The following SLCO5A1 variants were observed in gnomAD, a reference collection of about 807,000 sequenced individuals.
SLCO5A1 encodes organic anion transporter polypeptide-related protein 4.
Under a neutral mutation model 65.1 loss-of-function variants are expected in SLCO5A1, and 39 were observed. The observed-to-expected ratio is 0.60, with a 90% CI of 0.46 to 0.78. The LOEUF (loss-of-function observed/expected upper bound fraction) is 0.78, where lower values mean the gene tolerates loss of function less well. SLCO5A1 is among the 30% of genes least tolerant of loss of function. The pLI is 0.00. For missense variants in SLCO5A1, 1,029 were observed against 1,069.4 expected, an observed-to-expected ratio of 0.96 and a Z score of 0.53; for synonymous variants, 438 against 415.7, an observed-to-expected ratio of 1.05 and a Z score of -0.65.
chr8:69,792,586 G>A (rs1442476096), intron 2 of SLCO5A1, among the ~76,000 whole-genome samples: 2 of 152,152 alleles, frequency 1.3e-5, no homozygotes, highest in Admixed American at 1.3e-4. Context: ...AAAGGAACCC[G>A]ATGGATAAGA....
At chr8:69,772,367 T>C (rs1282808941) in intron 2 of SLCO5A1, among the ~76,000 whole-genome samples, 2 of 151,140 alleles carry the variant, frequency 1.3e-5, no homozygotes, top group African/African-American at 4.9e-5. Context: ...CAAAAAAAAA[T>C]TAAAAATTAG....
At chr8:69,823,703 A>G (rs1468542884) in intron 2 of SLCO5A1, among the ~76,000 whole-genome samples, 1 of 152,196 alleles carries the variant, frequency 6.6e-6, no homozygotes, top group Non-Finnish European at 1.5e-5. Flanking sequence ...CACTGTCAAC[A>G]TTAGACAGAT....
chr8:69,768,662 T>A (rs929631639), intron 2 of SLCO5A1, among the ~76,000 whole-genome samples: 2 of 152,082 alleles, frequency 1.3e-5, no homozygotes, highest in Non-Finnish European at 2.9e-5. Flanking sequence ...GAAGAGAGCG[T>A]TCCGGTGTCT....
At position 69,824,026 on chromosome 8, in the gene SLCO5A1, A is replaced by G. The variant is rs185818161; in HGVS notation, c.907+7741T>C. Among the ~76,000 whole-genome samples, 349 of 152,358 alleles carry G rather than the reference A, an allele frequency of 2.3e-3. 4 individuals are homozygous for G. The highest frequency in any genetic ancestry group is 7.7e-3 in the African/African-American group (319 of 41,584). On this transcript the variant is annotated intron_variant, in intron 2 of 9. Transcript: ENST00000260126. ...CAAAACAACCTGCTCCTGAATGACT[A>G]CTGGGTACATAACTAAATGAAGGCA...
At chr8:69,712,843 AT>A (rs1344486317) in intron 5 of SLCO5A1, among the ~76,000 whole-genome samples, 2 of 145,484 alleles carry the variant, frequency 1.4e-5, no homozygotes, top group African/African-American at 5.2e-5. Context: ...CTTTGAATTT[AT>A]TATATAAAAT....
intron 5 of SLCO5A1, among the ~76,000 whole-genome samples, chr8:69,730,525 G>A (rs763669282): frequency 6.6e-6 from 1 of 152,152 alleles, no homozygotes; most frequent in East Asian, 1.9e-4. Flanking sequence ...TATGTACTGC[G>A]AAAGCCCTGG....
At chr8:69,711,519 G>C (rs970963408) in intron 5 of SLCO5A1, among the ~76,000 whole-genome samples, 2 of 152,246 alleles carry the variant, frequency 1.3e-5, no homozygotes, top group East Asian at 3.9e-4. Context: ...AAGGGGGGCA[G>C]AGCGTGGGAA....
rs1280993037 is a variant in SLCO5A1, at chr8:69,738,193, C to T, written c.1270G>A (p.Ala424Thr). Reference protein sequence around the residue: ...FGKDVRDLPRAAVRILSNMTF... With the variant: ...FGKDVRDLPRTAVRILSNMTF... ...ATGTTGCTTAAGATCCTGACAGCTG[C>T]TCTTGGTAGGTCTACAAAATGACAA... Residue 424 changes from alanine (A) to threonine (T), a missense_variant, in exon 5 of 10, where the codon GCA becomes ACA. By Grantham distance (58) the Ala-to-Thr change is moderately conservative. This residue lies in a region of SLCO5A1 where 647 missense variants were observed against 647.5 expected (regional missense o/e 1.00). Transcript: ENST00000260126. The T allele has an allele frequency of 5.0e-6, 8 of 1,602,706 alleles. No homozygotes were observed. Among genetic ancestry groups the T allele is most frequent in the Non-Finnish European group, 6.0e-6 (7 of 1,173,852 alleles).
chr8:69,698,467 C>T (rs1814590686), intron 6 of SLCO5A1, among the ~76,000 whole-genome samples: 1 of 152,164 alleles, frequency 6.6e-6, no homozygotes, highest in African/African-American at 2.4e-5. Context: ...ATTTACACTC[C>T]CACCAGCAGT....
chr8:69,710,539 T>A (rs1815192327), intron 5 of SLCO5A1, among the ~76,000 whole-genome samples: 1 of 152,072 alleles, frequency 6.6e-6, no homozygotes, highest in Non-Finnish European at 1.5e-5. Context: ...AGTACCCTCC[T>A]CACCAAGAAA....
intron 2 of SLCO5A1, among the ~76,000 whole-genome samples, chr8:69,812,838 A>G (rs2130912818): frequency 6.6e-6 from 1 of 152,340 alleles, no homozygotes; most frequent in African/African-American, 2.4e-5. Flanking sequence ...CCATTTTGTT[A>G]GATTTATGTA....
intron 5 of SLCO5A1, among the ~76,000 whole-genome samples, chr8:69,725,184 G>T (rs1352868956): frequency 6.6e-6 from 1 of 152,140 alleles, no homozygotes; most frequent in East Asian, 1.9e-4. Flanking sequence ...TACACAGCTT[G>T]TAAGGGGCAG....
intron 2 of SLCO5A1, among the ~76,000 whole-genome samples, chr8:69,778,975 C>A (rs1305962448): frequency 1.3e-5 from 2 of 152,154 alleles, no homozygotes; most frequent in Admixed American, 6.5e-5. Flanking sequence ...ACCAGCAGAT[C>A]TGGTAAATAC....
intron 6 of SLCO5A1, among the ~76,000 whole-genome samples, chr8:69,685,596 G>A (rs902446443): frequency 6.6e-5 from 10 of 152,176 alleles, no homozygotes; most frequent in African/African-American, 2.2e-4. Context: ...TTATAACTGG[G>A]TGGTCCACAA....
At chr8:69,744,832 C>A (rs1194637892) in intron 4 of SLCO5A1, among the ~76,000 whole-genome samples, 3 of 152,142 alleles carry the variant, frequency 2.0e-5, no homozygotes. Flanking sequence ...AAGCATAAGT[C>A]ATAAGATGAA....
chr8:69,761,711 C>T, intron 3 of SLCO5A1, 32 bp downstream of exon 3: 1 of 1,604,094 alleles, frequency 6.2e-7, no homozygotes, highest in Non-Finnish European at 8.5e-7. Context: ...TTAGTAAGAA[C>T]TGAAATTTAA....
At chr8:69,706,782 A>C (rs895328971) in intron 5 of SLCO5A1, among the ~76,000 whole-genome samples, 1 of 152,216 alleles carries the variant, frequency 6.6e-6, no homozygotes, top group East Asian at 1.9e-4. Flanking sequence ...ACAGTTACAC[A>C]GTGTTAACTT....
chr8:69,829,503 T>C (rs955500328), intron 2 of SLCO5A1, among the ~76,000 whole-genome samples: 1 of 152,166 alleles, frequency 6.6e-6, no homozygotes, highest in Non-Finnish European at 1.5e-5. Context: ...CTGGGAAACA[T>C]GATGAAACTC....
intron 5 of SLCO5A1, among the ~76,000 whole-genome samples, chr8:69,721,174 AT>A: frequency 9.8e-6 from 1 of 102,246 alleles, no homozygotes; most frequent in South Asian, 4.2e-4. Flanking sequence ...TGCAGACATA[AT>A]AACTGGACTG....
Sources: allele counts gnomAD v4.1 joint callset (sites outside exome capture counted in the v4.1 genomes callset), GRCh38; gene constraint gnomAD v4.1.1; regional missense constraint gnomAD v4.1.1; transcripts MANE v1.5; gene names NCBI Gene and HGNC (gene_info 2026-07-23, HGNC 2026-07-21).